The following DEGS1 variants were observed in gnomAD, a reference collection of about 807,000 sequenced individuals.
The protein encoded by DEGS1 is delta 4-desaturase, sphingolipid 1.
In DEGS1, 17 loss-of-function variants were observed where a neutral mutation model predicts 24.1. The ratio of observed to expected loss-of-function variants is 0.70; its 90% CI spans 0.48 to 1.06. DEGS1 has a LOEUF of 1.06. Ranked by LOEUF, DEGS1 falls within the 50% of genes least tolerant of loss-of-function variation. The probability of loss-of-function intolerance (pLI) is 0.00; values close to 1 mark genes in which losing one functional copy is unlikely to be tolerated. For missense variants in DEGS1, 366 were observed against 408.9 expected (o/e 0.90, Z 0.91); for synonymous variants, 134 against 140.0 (o/e 0.96, Z 0.30).
intron 1 of DEGS1, among the ~76,000 whole-genome samples, chr1:224,188,632 T>C (rs1234130511): frequency 6.6e-6 from 1 of 152,214 alleles, no homozygotes; most frequent in African/African-American, 2.4e-5. Flanking sequence ...TTCTTGACTG[T>C]TTCCGTATCT....
chr1:224,190,169 T>A lies in DEGS1; in HGVS notation c.675T>A (p.Ile225=). ...ASLLGLGLHP[I]SGHFIAEHYM... is the part of the protein sequence containing the mutation. ...TACTTGGCCTGGGTTTGCACCCAATTTCTGGACATTTTATAGCTGAGCATT... is the reference window on the plus strand; with the variant it reads ...TACTTGGCCTGGGTTTGCACCCAATATCTGGACATTTTATAGCTGAGCATT... The change falls in exon 2 of 3, where the codon ATT becomes ATA. Residue 225 remains isoleucine, a synonymous_variant. Coordinates refer to ENST00000323699, the MANE Select transcript of DEGS1 (RefSeq NM_003676.4). The A allele has an allele frequency of 6.3e-7, 1 of 1,588,514 alleles. No individual in the cohort carries two copies. Among genetic ancestry groups the A allele is most frequent in the Non-Finnish European group, 8.6e-7 (1 of 1,168,964 alleles).
At position 224,192,772 on chromosome 1, in the gene DEGS1, C is replaced by T. The variant is rs530459345; in HGVS notation, c.*294C>T. ...TTAAAAAGCTTCTAAAAAGCTATTT[C>T]GCCAGGCACGGTGGCTCATGCCTAT... On this transcript the variant is annotated 3_prime_UTR_variant, in exon 3 of 3. Coordinates refer to ENST00000323699, the MANE Select transcript of DEGS1 (RefSeq NM_003676.4). 1.0e-5 allele frequency: 3 copies of T among 291,606 alleles called. No homozygotes were observed. Among genetic ancestry groups the T allele is most frequent in the East Asian group, 1.0e-4 (1 of 9,582 alleles). The allele number at this position is 291,606 out of a possible 1,614,324, so 18.1% of individuals were successfully genotyped here.
intron 1 of DEGS1, 61 bp downstream of exon 1, chr1:224,183,479 C>T (rs569564749): frequency 5.7e-6 from 7 of 1,232,228 alleles, no homozygotes; most frequent in Non-Finnish European, 5.2e-6. Context: ...GGGGCGCGCT[C>T]TCCCCTCGCG....
Position 224,183,394 on chromosome 1 carries a change from G to A in DEGS1, c.58G>A (p.Ala20Thr). Reference sequence around the variant, plus strand: ...GTGGGTCTACACCGACCAGCCGCACGCCGACCGGCGCCGGGAGATCCTGGG... The same window carrying A: ...GTGGGTCTACACCGACCAGCCGCACACCGACCGGCGCCGGGAGATCCTGGG... Reference protein sequence around the residue: ...FEWVYTDQPHADRRREILAKY... With the variant: ...FEWVYTDQPHTDRRREILAKY... Residue 20 changes from alanine (A) to threonine (T), a missense_variant, in exon 1 of 3, where the codon GCC (alanine) becomes ACC (threonine). Transcript: ENST00000323699. 1.4e-6 allele frequency: 2 copies of A among 1,431,250 alleles called. No homozygotes were observed. Among genetic ancestry groups the A allele is most frequent in the South Asian group, 1.5e-5 (1 of 68,290 alleles). The allele number at this position is 1,431,250 out of a possible 1,614,324, so 88.7% of individuals were successfully genotyped here. A position where few individuals can be genotyped will look rare whatever the true frequency, so the allele number is the denominator to read the frequency against.
intron 2 of DEGS1, 102 bp from the exon 3 acceptor site, chr1:224,192,230 C>T (rs1558211035): frequency 1.2e-5 from 12 of 966,756 alleles, no homozygotes; most frequent in Non-Finnish European, 1.8e-5. Flanking sequence ...AGGCAGGTCT[C>T]ATGGTTTCCC....
Position 224,189,585 on chromosome 1 carries a change from C to G in DEGS1, c.91C>G (p.Pro31Ala). 1 of 1,582,116 alleles carries G rather than the reference C, an allele frequency of 6.3e-7. No individual in the cohort carries two copies. Among genetic ancestry groups the G allele is most frequent in the Non-Finnish European group, 8.6e-7 (1 of 1,166,560 alleles). The change falls in exon 2 of 3, where the codon CCA (proline) becomes GCA (alanine). Residue 31 changes from proline to alanine, a missense_variant. Coordinates refer to ENST00000323699, the MANE Select transcript of DEGS1 (RefSeq NM_003676.4). The part of the protein sequence containing the change: ...DRRREILAKY[P>A]EIKSLMKPDP... ...TTGTTTTTTCTTTACAGCAAAGTATCCAGAGATAAAGTCCTTGATGAAACC... is the reference window on the plus strand; with the variant it reads ...TTGTTTTTTCTTTACAGCAAAGTATGCAGAGATAAAGTCCTTGATGAAACC...
At chr1:224,184,461 TGTTTTTTG>T (rs1490658435) in intron 1 of DEGS1, among the ~76,000 whole-genome samples, 1 of 109,988 alleles carries the variant, frequency 9.1e-6, no homozygotes, top group Non-Finnish European at 2.2e-5. Context: ...AGCACGTGTT[TGTTTTTTG>T]TTTGTTTGTT....
intron 1 of DEGS1, among the ~76,000 whole-genome samples, chr1:224,186,712 C>CAAAAAAAAA (rs34809195): frequency 1.3e-5 from 1 of 79,874 alleles, no homozygotes; most frequent in Non-Finnish European, 2.4e-5. Flanking sequence ...GCCTCCGTCT[C>CAAAAAAAAA]AAAAAAAAAA....
At chr1:224,186,504 G>A (rs1558208705) in intron 1 of DEGS1, among the ~76,000 whole-genome samples, 1 of 152,080 alleles carries the variant, frequency 6.6e-6, no homozygotes, top group African/African-American at 2.4e-5. Context: ...ATGAGGTCAG[G>A]AGATCGAGAC....
chr1:224,183,584 G>C (rs1658294120), intron 1 of DEGS1, 166 bp downstream of exon 1: 3 of 429,724 alleles, frequency 7.0e-6, no homozygotes, highest in Non-Finnish European at 1.1e-5. Flanking sequence ...GGGTCAGCGC[G>C]GGAGAGGCTG....
chr1:224,187,137 G>C (rs1572041448), intron 1 of DEGS1, among the ~76,000 whole-genome samples: 2 of 151,918 alleles, frequency 1.3e-5, no homozygotes, highest in South Asian at 4.2e-4. Context: ...GTGAAACCCC[G>C]TCTCTACTAA....
chr1:224,192,532 A>G lies in DEGS1; in HGVS notation c.*54A>G, dbSNP rs908804. The G allele has an allele frequency of 0.11, 164,639 of 1,552,054 alleles. 11,197 individuals carry two copies. Among genetic ancestry groups the G allele is most frequent in the East Asian group, 0.34 (14,672 of 42,796 alleles). On this transcript the variant is annotated 3_prime_UTR_variant, in exon 3 of 3. Transcript: ENST00000323699. ...CCAAAACTTTAGATGATAAAATGGA[A>G]TTTTTGCATTATTAAACTTGAGACC...
At chr1:224,188,675 AT>A in intron 1 of DEGS1, among the ~76,000 whole-genome samples, 1 of 152,220 alleles carries the variant, frequency 6.6e-6, no homozygotes, top group East Asian at 1.9e-4. Context: ...TCCTTTGCCC[AT>A]TTTTTAATTG....
intron 1 of DEGS1, among the ~76,000 whole-genome samples, chr1:224,186,389 C>T (rs1480397524): frequency 6.6e-6 from 1 of 152,096 alleles, no homozygotes; most frequent in Non-Finnish European, 1.5e-5. Context: ...AGACTTATCA[C>T]TGAACCATTT....
intron 2 of DEGS1, 139 bp from the exon 3 acceptor site, chr1:224,192,191 CTT>C (rs1168182331): frequency 0.021 from 11,352 of 536,368 alleles, no homozygotes; most frequent in South Asian, 0.031. Flanking sequence ...GCTGCTGCTG[CTT>C]TTTTTTTTTT....
At chr1:224,190,427 G>C (rs554997851) in intron 2 of DEGS1, 108 bp downstream of exon 2, 56 of 995,600 alleles carry the variant, frequency 5.6e-5, no homozygotes, top group Admixed American at 3.6e-5. Flanking sequence ...GCACGATCTC[G>C]GCTCACTGTA....
intron 2 of DEGS1, 132 bp downstream of exon 2, chr1:224,190,451 G>A (rs1329405628): frequency 1.9e-5 from 13 of 699,352 alleles, no homozygotes; most frequent in East Asian, 3.2e-5. Flanking sequence ...TCCACCTCCC[G>A]GGTTCAAACG....
chr1:224,185,782 C>T (rs1213900370), intron 1 of DEGS1, among the ~76,000 whole-genome samples: 2 of 152,190 alleles, frequency 1.3e-5, no homozygotes, highest in African/African-American at 2.4e-5. Flanking sequence ...GCGTGAGCCA[C>T]CCTGCCAGGC....
At position 224,192,389 on chromosome 1, in the gene DEGS1, A is replaced by G; in HGVS notation, c.883A>G (p.Lys295Glu). ...CCTCCCTCACTACAATTCCTGGATAAAAGTACTGTATGATTTTGTGATGGA... is the reference window on the plus strand; with the variant it reads ...CCTCCCTCACTACAATTCCTGGATAGAAGTACTGTATGATTTTGTGATGGA... ...DNLPHYNSWI[K>E]VLYDFVMDDT... Residue 295 changes from lysine to glutamate, a missense_variant, in exon 3 of 3, where the codon AAA (lysine) becomes GAA (glutamate). Coordinates refer to ENST00000323699, the MANE Select transcript of DEGS1 (RefSeq NM_003676.4). The G allele has an allele frequency of 6.2e-7, 1 of 1,613,740 alleles. No individual in the cohort carries two copies.
Sources: gnomAD v4.1 joint callset for allele counts (sites outside exome capture counted in the v4.1 genomes callset) on GRCh38, gnomAD v4.1.1 for gene constraint, MANE v1.5 for transcripts, NCBI Gene and HGNC (gene_info 2026-07-23, HGNC 2026-07-21) for gene names.